The following CPA1 variants were observed in gnomAD, a reference collection of about 807,000 sequenced individuals.
CPA1 encodes carboxypeptidase A1.
In CPA1, 42 loss-of-function variants were observed where a neutral mutation model predicts 48.7. The observed-to-expected ratio is 0.86, with a 90% CI of 0.67 to 1.11. CPA1 has a LOEUF of 1.11. Ranked by LOEUF, CPA1 falls within the 50% of genes most tolerant of loss-of-function variation. CPA1 has a pLI of 0.00. For missense variants in CPA1, 477 were observed against 544.7 expected, an observed-to-expected ratio of 0.88 and a Z score of 1.24; for synonymous variants, 203 against 217.9, an observed-to-expected ratio of 0.93 and a Z score of 0.60.
In CPA1 at chr7:130,382,144, C is replaced by A; in HGVS notation, c.418C>A (p.Pro140Thr). 1.9e-6 allele frequency: 3 copies of A among 1,614,238 alleles called. No individual in the cohort carries two copies. The highest frequency in any genetic ancestry group is 2.5e-6 in the Non-Finnish European group (3 of 1,180,034). ...DFLDLLVAEN[P>T]HLVSKIQIGN... Reference sequence around the variant, plus strand: ...CCTGGACCTGCTGGTGGCGGAGAACCCGCACCTTGTCAGCAAGATCCAGAT... The same window carrying A: ...CCTGGACCTGCTGGTGGCGGAGAACACGCACCTTGTCAGCAAGATCCAGAT... Residue 140 changes from proline to threonine, a missense_variant, in exon 4 of 10, where the codon CCG becomes ACG. Transcript: ENST00000011292.
chr7:130,385,721 G>C lies in CPA1; in HGVS notation c.988-118G>C, dbSNP rs1796465876. The C allele has an allele frequency of 1.5e-5, 11 of 738,578 alleles. No individual in the cohort carries two copies. The South Asian group carries it at 1.8e-4, about 12-fold the overall frequency. The allele number at this position is 738,578 out of a possible 1,614,324, so 45.8% of individuals were successfully genotyped here. A position where few individuals can be genotyped will look rare whatever the true frequency, so the allele number is the denominator to read the frequency against. On this transcript the variant is annotated intron_variant, in intron 8 of 9. Coordinates refer to ENST00000011292, the MANE Select transcript of CPA1 (RefSeq NM_001868.4). ...TAAGCAGGCTCTGTGCTCCCTGCTG[G>C]AGGCCCACTTCTGCAGGGTGCTTCT...
At chr7:130,382,259 C>A in intron 4 of CPA1, 50 bp downstream of exon 4, 1 of 1,416,208 alleles carries the variant, frequency 7.1e-7, no homozygotes, top group Non-Finnish European at 1.0e-6. Context: ...CCACACGTGG[C>A]ATCCGTGATG....
chr7:130,381,897 C>G (rs782457793), intron 3 of CPA1, 34 bp downstream of exon 3: 1 of 1,583,308 alleles, frequency 6.3e-7, no homozygotes, highest in South Asian at 1.1e-5. Context: ...TCCCTGCAGC[C>G]ACCAGCTCTT....
Position 130,383,476 on chromosome 7 carries a change from T to C in CPA1, c.569T>C (p.Val190Ala), listed in dbSNP as rs1554411501. 6.2e-7 allele frequency: 1 copy of C among 1,613,818 alleles called. No homozygotes were observed. Among genetic ancestry groups the C allele is most frequent in the South Asian group, 1.1e-5 (1 of 91,036 alleles). ...GAGTGGGTCACCCAGGCCAGTGGGG[T>C]CTGGTTTGCAAAGAAGGTAAGGCCG... ...SREWVTQASG[V>A]WFAKKITQDY... is the part of the protein sequence containing the mutation. Residue 190 changes from valine to alanine, a missense_variant, in exon 5 of 10, where the codon GTC becomes GCC. By Grantham distance (64) the Val-to-Ala change is moderately conservative (BLOSUM62 0). Transcript: ENST00000011292.
Position 130,384,586 on chromosome 7 carries a change from T to C in CPA1, c.747T>C (p.Ile249=). ...CCCACACAGCAGGCTCCCTCTGTAT[T>C]GGCGTGGACCCCAACAGGAACTGGG... ...TRSHTAGSLC[I]GVDPNRNWDA... Residue 249 remains isoleucine (I), a synonymous_variant, in exon 7 of 10, where the codon ATT becomes ATC. Transcript: ENST00000011292. 6.2e-7 allele frequency: 1 copy of C among 1,614,250 alleles called. No homozygotes were observed. Among genetic ancestry groups the C allele is most frequent in the Non-Finnish European group, 8.5e-7 (1 of 1,180,038 alleles).
At chr7:130,382,263 C>G in intron 4 of CPA1, 54 bp downstream of exon 4, 1 of 1,343,036 alleles carries the variant, frequency 7.4e-7, no homozygotes, top group African/African-American at 1.4e-5. Context: ...ACGTGGCATC[C>G]GTGATGGGCG....
At chr7:130,385,996 T>A in intron 9 of CPA1, 73 bp downstream of exon 9, 1 of 1,385,090 alleles carries the variant, frequency 7.2e-7, no homozygotes, top group Admixed American at 1.8e-5. Context: ...CGAGGGAGTA[T>A]CCCTCATGGA....
At chr7:130,380,672 A>T in intron 1 of CPA1, 87 bp downstream of exon 1, 1 of 740,476 alleles carries the variant, frequency 1.4e-6, no homozygotes. Context: ...ACAGACAGAT[A>T]CATGGCAACA....
rs1375640783 is a variant in CPA1, at chr7:130,382,123, G to C, written c.397G>C (p.Asp133His). 38 of 1,614,008 alleles carry C rather than the reference G, an allele frequency of 2.4e-5. No individual in the cohort carries two copies. The highest frequency in any genetic ancestry group is 3.3e-4 in the Middle Eastern group (2 of 6,084). ...CACACCTCAGATCTATGACTTCCTGGACCTGCTGGTGGCGGAGAACCCGCA... is the reference window on the plus strand; with the variant it reads ...CACACCTCAGATCTATGACTTCCTGCACCTGCTGGTGGCGGAGAACCCGCA... ...HTLEEIYDFL[D>H]LLVAENPHLV... The change falls in exon 4 of 10, where the codon GAC becomes CAC. Residue 133 changes from aspartate to histidine, a missense_variant. Physicochemically the swap from Asp to His is moderately conservative, Grantham distance 81 (BLOSUM62 -1). Coordinates refer to ENST00000011292, the MANE Select transcript of CPA1 (RefSeq NM_001868.4).
At chr7:130,381,072 T>C (rs782595396) in intron 1 of CPA1, 26 bp from the exon 2 acceptor site, 1 of 1,601,708 alleles carries the variant, frequency 6.2e-7, no homozygotes, top group South Asian at 1.1e-5. Flanking sequence ...GCTTGGGTGC[T>C]CACTCCCCAC....
At chr7:130,380,994 A>G (rs541547126) in intron 1 of CPA1, 104 bp from the exon 2 acceptor site, 867 of 895,338 alleles carry the variant, frequency 9.7e-4, no homozygotes, top group Non-Finnish European at 1.5e-3. Flanking sequence ...GACGAGGCCC[A>G]GTCTGGGGAT....
intron 8 of CPA1, 49 bp downstream of exon 8, chr7:130,385,394 C>T (rs1554411863): frequency 1.3e-6 from 2 of 1,549,848 alleles, no homozygotes; most frequent in Admixed American, 3.3e-5. Flanking sequence ...TGGCTTCGGA[C>T]AGGCCCAGGC....
chr7:130,386,023 C>G, intron 9 of CPA1, 100 bp downstream of exon 9: 1 of 1,059,026 alleles, frequency 9.4e-7, no homozygotes, highest in Admixed American at 2.1e-5. Context: ...TAGCCAAGGG[C>G]ACCCAGATCT....
chr7:130,380,520 C>G lies in CPA1; in HGVS notation c.-1C>G, dbSNP rs558570962. ...GTCTGACCTTCCCTCCCGGCAGCAG[C>G]ATGCGGGGGTTGCTGGTGTTGAGTG... On this transcript the variant is annotated 5_prime_UTR_variant, in exon 1 of 10. Coordinates refer to ENST00000011292, the MANE Select transcript of CPA1 (RefSeq NM_001868.4). The G allele has an allele frequency of 6.6e-5, 87 of 1,314,280 alleles. No homozygotes were observed. The South Asian group carries it at 2.4e-3, about 36-fold the overall frequency. 81.4% of individuals were successfully genotyped at this position (1,314,280 alleles called of 1,614,324 possible).
At position 130,383,784 on chromosome 7, in the gene CPA1, C is replaced by T. The variant is rs781815975; in HGVS notation, c.686C>T (p.Thr229Met). 21 of 1,611,334 alleles carry T rather than the reference C, an allele frequency of 1.3e-5. No individual in the cohort carries two copies. The highest frequency in any genetic ancestry group is 1.7e-5 in the Admixed American group (1 of 59,922). The stretch of plus-strand genomic sequence containing the variant: ...ACCAACCCTGATGGCTTTGCCTTCA[C>T]GCACAGCACGGTACCGGCCTTCTCC... The part of the protein sequence containing the change: ...IVTNPDGFAF[T>M]HSTNRMWRKT... The change falls in exon 6 of 10, where the codon ACG becomes ATG. Residue 229 changes from threonine (T) to methionine (M), a missense_variant. Thr to Met is a moderately conservative substitution (Grantham distance 81). Transcript: ENST00000011292.
In CPA1 at chr7:130,382,030, G is replaced by C. The variant is rs1276587776; in HGVS notation, c.382-78G>C. On this transcript the variant is annotated intron_variant, in intron 3 of 9. Coordinates refer to ENST00000011292, the MANE Select transcript of CPA1 (RefSeq NM_001868.4). ...CCATTGCAGGGCTCGCAGCAGGCTG[G>C]GACGGTGGGGCTGCTAAGGGAAGCA... The C allele has an allele frequency of 6.9e-6, 9 of 1,309,166 alleles. No homozygotes were observed. In the African/African-American group the frequency reaches 1.2e-4, roughly 17 times the overall value. The allele number at this position is 1,309,166 out of a possible 1,614,324, so 81.1% of individuals were successfully genotyped here. A position where few individuals can be genotyped will look rare whatever the true frequency, so the allele number is the denominator to read the frequency against.
At chr7:130,383,360 G>A in intron 4 of CPA1, 31 bp from the exon 5 acceptor site, 1 of 1,590,430 alleles carries the variant, frequency 6.3e-7, no homozygotes, top group Non-Finnish European at 8.6e-7. Flanking sequence ...CTGTGAAATT[G>A]CCTCTGATCA....
At chr7:130,384,176 C>T (rs540063110) in intron 6 of CPA1, 87 of 418,328 alleles carry the variant, frequency 2.1e-4, no homozygotes, top group African/African-American at 1.5e-3. Context: ...TCTATTTTTA[C>T]GGCAAATAAA....
rs1796391391 is a variant in CPA1 at position 130,380,596 on chromosome 7, G to A, written c.65+11G>A. On this transcript the variant is annotated intron_variant, in intron 1 of 9. Transcript: ENST00000011292. The stretch of plus-strand genomic sequence containing the variant: ...GGAGGACTTTGTGGGGTAGGGATGT[G>A]GAGAGGAGGGGGTGCCCTCTGAGGG... 7.7e-7 allele frequency: 1 copy of A among 1,299,904 alleles called. No homozygotes were observed. Among genetic ancestry groups the A allele is most frequent in the African/African-American group, 1.5e-5 (1 of 66,108 alleles). 80.5% of individuals were successfully genotyped at this position (1,299,904 alleles called of 1,614,324 possible).
Sources: gnomAD v4.1 joint callset for allele counts on GRCh38, gnomAD v4.1.1 for gene constraint, MANE v1.5 for transcripts, NCBI Gene and HGNC (gene_info 2026-07-23, HGNC 2026-07-21) for gene names.